Variants in MEFV observed in about 807,000 individuals in gnomAD.
MEFV encodes pyrin.
A neutral mutation model predicts 62.5 loss-of-function variants in MEFV; 60 were observed. The ratio of observed to expected loss-of-function variants is 0.96; its 90% CI spans 0.78 to 1.19. MEFV has a LOEUF of 1.19. Ranked by LOEUF, MEFV falls within the 50% of genes most tolerant of loss-of-function variation. MEFV has a pLI of 0.00. For synonymous variants in MEFV, 500 were observed against 415.2 expected (o/e 1.20, Z -2.48); for missense variants, 1,169 against 1,004.5 (o/e 1.16, Z -2.21).
intron 5 of MEFV, 104 bp from the exon 6 acceptor site, chr16:3,246,651 C>T: frequency 1.6e-6 from 2 of 1,223,284 alleles, no homozygotes; most frequent in South Asian, 1.2e-5. Context: ...CCCCGCTGCA[C>T]TTACCAGGGC....
At chr16:3,249,265 C>CT (rs1317159894) in intron 3 of MEFV, among the ~76,000 whole-genome samples, 166 bp downstream of exon 3, 2 of 152,222 alleles carry the variant, frequency 1.3e-5, no homozygotes, top group African/African-American at 4.8e-5. Context: ...CAACATAAAC[C>CT]TGTAGCTCCC....
At chr16:3,246,474 C>G (rs772895338) in intron 6 of MEFV, 51 bp downstream of exon 6, 1 of 1,610,170 alleles carries the variant, frequency 6.2e-7, no homozygotes, top group Non-Finnish European at 8.5e-7. Context: ...CTGTCTCCCC[C>G]ATATGCTTTC....
Position 3,242,999 on chromosome 16 carries a change from G to C in MEFV, c.*142C>G, listed in dbSNP as rs1315227563. ...TCCTAACTTACCTCTGCTATAATCGGGTAGGCTCCGTGGGCACAGTAACTA... is the reference window on the plus strand; with the variant it reads ...TCCTAACTTACCTCTGCTATAATCGCGTAGGCTCCGTGGGCACAGTAACTA... On this transcript the variant is annotated 3_prime_UTR_variant, in exon 10 of 10. Coordinates refer to ENST00000219596, the MANE Select transcript of MEFV (RefSeq NM_000243.3). 1.7e-5 allele frequency: 15 copies of C among 903,934 alleles called. No homozygotes were observed. The highest frequency in any genetic ancestry group is 2.4e-5 in the Non-Finnish European group (14 of 575,078). 56.0% of individuals were successfully genotyped at this position (903,934 alleles called of 1,614,324 possible).
At chr16:3,249,077 G>A in intron 3 of MEFV, 73 bp from the exon 4 acceptor site, 1 of 1,427,930 alleles carries the variant, frequency 7.0e-7, no homozygotes, top group South Asian at 1.1e-5. Flanking sequence ...ACTCTGGAGG[G>A]GAACATCTCC....
intron 8 of MEFV, 54 bp from the exon 9 acceptor site, chr16:3,243,946 G>C: frequency 6.2e-7 from 1 of 1,608,382 alleles, no homozygotes; most frequent in South Asian, 1.1e-5. Context: ...CATTAAGAGG[G>C]GCTAAATTAC....
chr16:3,246,970 T>C, intron 5 of MEFV, 46 bp downstream of exon 5: 2 of 1,575,576 alleles, frequency 1.3e-6, no homozygotes, highest in South Asian at 1.1e-5. Flanking sequence ...TGAGGCATCC[T>C]GATAGGCACA....
At chr16:3,250,817 A>G (rs552429766) in intron 2 of MEFV, among the ~76,000 whole-genome samples, 12 of 151,562 alleles carry the variant, frequency 7.9e-5, no homozygotes, top group South Asian at 2.1e-4. Flanking sequence ...TGAGGTCAGG[A>G]GTTCAAGACC....
chr16:3,249,332 G>C lies in MEFV; in HGVS notation c.1260+99C>G, dbSNP rs1596354539. ...TGCCATTTCCAGCCCAAGAATGCTG[G>C]TTAATGCACCAACAACCCAGAGTTG... On this transcript the variant is annotated intron_variant, in intron 3 of 9. Coordinates refer to ENST00000219596, the MANE Select transcript of MEFV (RefSeq NM_000243.3). 6 of 1,112,800 alleles carry C rather than the reference G, an allele frequency of 5.4e-6. 1 individual carries two copies. In the East Asian group the frequency reaches 1.2e-4, roughly 22 times the overall value. The allele number at this position is 1,112,800 out of a possible 1,614,324, so 68.9% of individuals were successfully genotyped here.
chr16:3,251,703 G>A (rs554003497), intron 2 of MEFV, among the ~76,000 whole-genome samples: 1 of 152,308 alleles, frequency 6.6e-6, no homozygotes, highest in East Asian at 1.9e-4. Flanking sequence ...TTGCTGTGAG[G>A]TTATTGTGAG....
Position 3,243,100 on chromosome 16 carries a change from T to C in MEFV, c.*41A>G, listed in dbSNP as rs370081377. On this transcript the variant is annotated 3_prime_UTR_variant, in exon 10 of 10. Coordinates refer to ENST00000219596, the MANE Select transcript of MEFV (RefSeq NM_000243.3). ...GTGACTATTGAGTGTGAATGCAAGA[T>C]ACAAGGCCAGAAGCAGGAAGAGAGA... The C allele has an allele frequency of 1.2e-6, 2 of 1,605,554 alleles. No individual in the cohort carries two copies. The highest frequency in any genetic ancestry group is 2.2e-5 in the South Asian group (2 of 90,816).
In MEFV at chr16:3,243,821, C is replaced by T. The variant is rs104895176; in HGVS notation, c.1792+39G>A. 3,881 of 1,611,200 alleles carry T rather than the reference C, an allele frequency of 2.4e-3. 8 individuals carry two copies. The highest frequency in any genetic ancestry group is 2.8e-3 in the Non-Finnish European group (3,271 of 1,177,596). ...CGTGGTAGGGGAGAGCACAGGGATC[C>T]AGCAGGCCAGGGCCACTTGCCTTGA... On this transcript the variant is annotated intron_variant, in intron 9 of 9. Coordinates refer to ENST00000219596, the MANE Select transcript of MEFV (RefSeq NM_000243.3).
intron 1 of MEFV, 51 bp from the exon 2 acceptor site, chr16:3,254,841 C>G (rs750679744): frequency 1.9e-6 from 3 of 1,603,724 alleles, no homozygotes; most frequent in Non-Finnish European, 2.5e-6. Flanking sequence ...CGTTTAGGGC[C>G]CAAGATTCAG....
intron 4 of MEFV, 80 bp from the exon 5 acceptor site, chr16:3,247,326 C>T (rs894929069): frequency 1.6e-6 from 2 of 1,279,984 alleles, no homozygotes; most frequent in Non-Finnish European, 2.3e-6. Context: ...AGAAGCCCAC[C>T]TCCTGGAGGT....
chr16:3,253,703 G>A (rs1959071033), intron 2 of MEFV, among the ~76,000 whole-genome samples: 1 of 151,868 alleles, frequency 6.6e-6, no homozygotes, highest in Non-Finnish European at 1.5e-5. Context: ...TTTTGTAGAA[G>A]TGGAGTCTGG....
In MEFV at chr16:3,248,940, G is replaced by A. The variant is rs1372553571; in HGVS notation, c.1325C>T (p.Ser442Phe). ...GCTCACTGCCTTCTCCTCCCCATAG[G>A]ATCGCTGCTCCTCCCCTGATTTTCT... Reference protein sequence around the residue: ...KLRKSGEEQRSYGEEKAVSFL... With the variant: ...KLRKSGEEQRFYGEEKAVSFL... Residue 442 changes from serine (S) to phenylalanine (F), a missense_variant, in exon 4 of 10, where the codon TCC becomes TTC. Coordinates refer to ENST00000219596, the MANE Select transcript of MEFV (RefSeq NM_000243.3). 6.2e-7 allele frequency: 1 copy of A among 1,614,202 alleles called. No individual in the cohort carries two copies. The highest frequency in any genetic ancestry group is 8.5e-7 in the Non-Finnish European group (1 of 1,180,032).
chr16:3,255,616 A>G (rs1460798426), intron 1 of MEFV, among the ~76,000 whole-genome samples: 1 of 151,800 alleles, frequency 6.6e-6, no homozygotes, highest in Non-Finnish European at 1.5e-5. Context: ...CATGTTGCCC[A>G]AGCTGGTCTC....
chr16:3,256,484 T>G lies in MEFV; in HGVS notation c.104A>C (p.Lys35Thr). 15 of 1,614,214 alleles carry G rather than the reference T, an allele frequency of 9.3e-6. No individual in the cohort carries two copies. The highest frequency in any genetic ancestry group is 1.2e-5 in the Non-Finnish European group (14 of 1,180,034). The change falls in exon 1 of 10, where the codon AAG becomes ACG. Residue 35 changes from lysine to threonine, a missense_variant. Transcript: ENST00000219596. ...GCTCCGGGGGATCCTGGAGTGCTCC[T>G]TCTGCACACTGGTGTTCTGCAGCTT... ...KFKLQNTSVQ[K>T]EHSRIPRSQI... is the part of the protein sequence containing the mutation.
In MEFV at chr16:3,243,508, C is replaced by G. The variant is rs776421624; in HGVS notation, c.1979G>C (p.Gly660Ala). Residue 660 changes from glycine to alanine, a missense_variant, in exon 10 of 10, where the codon GGA becomes GCA. By Grantham distance (60) the Gly-to-Ala change is moderately conservative. Coordinates refer to ENST00000219596, the MANE Select transcript of MEFV (RefSeq NM_000243.3). ...SGRRYWEVEV[G>A]DKTAWILGAC... is the part of the protein sequence containing the mutation. The stretch of plus-strand genomic sequence containing the variant: ...TCCCAGGATCCATGCTGTCTTGTCT[C>G]CAACCTCCACCTCCCAGTAACGGCG... The G allele has an allele frequency of 3.7e-6, 6 of 1,614,088 alleles. No individual in the cohort carries two copies. The East Asian group carries it at 8.9e-5, about 24-fold the overall frequency.
At position 3,243,346 on chromosome 16, in the gene MEFV, G is replaced by T; in HGVS notation, c.2141C>A (p.Pro714His). 2 of 1,614,192 alleles carry T rather than the reference G, an allele frequency of 1.2e-6. No individual in the cohort carries two copies. Among genetic ancestry groups the T allele is most frequent in the Non-Finnish European group, 1.7e-6 (2 of 1,180,032 alleles). Residue 714 changes from proline to histidine, a missense_variant, in exon 10 of 10, where the codon CCT becomes CAT. Physicochemically the swap from Pro to His is moderately conservative, Grantham distance 77. Coordinates refer to ENST00000219596, the MANE Select transcript of MEFV (RefSeq NM_000243.3). ...CACGAAGATGCCCACACGCTTGGGA[G>T]GCTCCTTTATTAGCAGGCGGGTCGG... ...VPPTRLLIKEPPKRVGIFVDY... is the reference protein window; with the variant it reads ...VPPTRLLIKEHPKRVGIFVDY...
Sources: gnomAD v4.1 joint callset for allele counts (sites outside exome capture counted in the v4.1 genomes callset) on GRCh38, gnomAD v4.1.1 for gene constraint, MANE v1.5 for transcripts, NCBI Gene and HGNC (gene_info 2026-07-23, HGNC 2026-07-21) for gene names.